The following PLEC variants were observed in gnomAD, a reference collection of about 807,000 sequenced individuals.
The protein encoded by PLEC is plectin, also known as hemidesmosomal protein 1.
Under a neutral mutation model 392.8 loss-of-function variants are expected in PLEC, and 216 were observed. The ratio of observed to expected loss-of-function variants is 0.55; its 90% confidence interval spans 0.49 to 0.62. PLEC has a LOEUF of 0.62. PLEC is among the 20% of genes least tolerant of loss of function. The pLI is 0.00. For synonymous variants in PLEC, 3,621 were observed against 2,980.6 expected (o/e 1.21, Z -7.00); for missense variants, 6,863 against 6,563.4 (o/e 1.05, Z -1.58).
Position 143,928,321 on chromosome 8 carries a change from C to T in PLEC, c.3261-329G>A, listed in dbSNP as rs1021858153. ...TCCTGGTGCCCACAGGGCCTGGAAG[C>T]GTAGTTCTCAGCCCTTGCAGCCCAA... On this transcript the variant is annotated intron_variant, in intron 25 of 31. Coordinates refer to ENST00000345136, the MANE Select transcript of PLEC (RefSeq NM_201384.3). Among the ~76,000 whole-genome samples, 5 of 152,374 alleles carry T rather than the reference C, an allele frequency of 3.3e-5. No homozygotes were observed. The East Asian group carries it at 7.7e-4, about 24-fold the overall frequency.
upstream of PLEC, among the ~76,000 whole-genome samples, chr8:143,951,570 C>T (rs1832149781): frequency 1.3e-5 from 2 of 152,108 alleles, no homozygotes; most frequent in South Asian, 4.1e-4. Context: ...TCTCCAAGCC[C>T]ACAGCCCTCT....
In PLEC at chr8:143,921,201, C is replaced by G. The variant is rs369356119; in HGVS notation, c.8620G>C (p.Asp2874His). Residue 2874 changes from aspartate to histidine, a missense_variant, in exon 32 of 32, where the codon GAC (aspartate) becomes CAC (histidine). Asp to His is a moderately conservative substitution (Grantham distance 81). Transcript: ENST00000345136. ...YLQLLERCVE[D>H]PETGLCLLPL... Reference sequence around the variant, plus strand: ...AGAAGGCACAGGCCCGTCTCGGGGTCCTCCACGCAGCGCTCCAGTAGCTGC... The same window carrying G: ...AGAAGGCACAGGCCCGTCTCGGGGTGCTCCACGCAGCGCTCCAGTAGCTGC... 6.2e-7 allele frequency: 1 copy of G among 1,614,020 alleles called. No individual in the cohort carries two copies. Among genetic ancestry groups the G allele is most frequent in the East Asian group, 2.2e-5 (1 of 44,876 alleles).
Position 143,922,623 on chromosome 8 carries a change from T to G in PLEC, c.7306A>C (p.Ile2436Leu). The change falls in exon 31 of 32, where the codon ATC becomes CTC. Residue 2436 changes from isoleucine (I) to leucine (L), a missense_variant. Ile to Leu is a conservative substitution (Grantham distance 5, BLOSUM62 2). Coordinates refer to ENST00000345136, the MANE Select transcript of PLEC (RefSeq NM_201384.3). ...TCATGGTCACTCTGCTGTCGCTGGA[T>G]CTCCAGTGTCTGCACCAGGGTCACC... ...EKVTLVQTLEIQRQQSDHDAE... is the reference protein window; with the variant it reads ...EKVTLVQTLELQRQQSDHDAE... 2 of 1,613,578 alleles carry G rather than the reference T, an allele frequency of 1.2e-6. No homozygotes were observed. Among genetic ancestry groups the G allele is most frequent in the Non-Finnish European group, 1.7e-6 (2 of 1,179,946 alleles).
upstream of PLEC, chr8:143,944,028 C>G: frequency 7.4e-7 from 1 of 1,347,878 alleles, no homozygotes; most frequent in Non-Finnish European, 1.0e-6. Context: ...GCAGGACCGC[C>G]CCATACGCGG....
rs782127715 is a variant in PLEC, at chr8:143,918,479, G to A, written c.11342C>T (p.Ser3781Leu). 4.4e-6 allele frequency: 7 copies of A among 1,597,032 alleles called. No individual in the cohort carries two copies. Among genetic ancestry groups the A allele is most frequent in the Middle Eastern group, 1.7e-4 (1 of 6,058 alleles). The stretch of plus-strand genomic sequence containing the variant: ...CTCCTTCTTCATGGCCTGGAAGAGC[G>A]AGATGGTCTGCTCGGTGTAGGGGTC... ...YRDPYTEQTI[S>L]LFQAMKKELI... The change falls in exon 32 of 32, where the codon TCG becomes TTG. Residue 3781 changes from serine (S) to leucine (L), a missense_variant. Coordinates refer to ENST00000345136, the MANE Select transcript of PLEC (RefSeq NM_201384.3).
chr8:143,916,875 C>A lies in PLEC; in HGVS notation c.12946G>T (p.Ala4316Ser). The A allele has an allele frequency of 6.2e-7, 1 of 1,612,660 alleles. No homozygotes were observed. Among genetic ancestry groups the A allele is most frequent in the Non-Finnish European group, 8.5e-7 (1 of 1,179,828 alleles). ...GGGTCGATGATGCCCCCGGTGCAGG[C>A]CTGCGCCTCCAGCAGCCGCTGCCCC... is the stretch of plus-strand genomic sequence containing the variant. The part of the protein sequence containing the change: ...ITGQRLLEAQ[A>S]CTGGIIDPST... Residue 4316 changes from alanine to serine, a missense_variant, in exon 32 of 32, where the codon GCC (alanine) becomes TCC (serine). By Grantham distance (99) the Ala-to-Ser change is moderately conservative. Coordinates refer to ENST00000345136, the MANE Select transcript of PLEC (RefSeq NM_201384.3).
In PLEC at chr8:143,929,273, C is replaced by T. The variant is rs782371915; in HGVS notation, c.3090G>A (p.Gln1030=). ...CCTTGCCCAGCCCCTCCACCTCTGCCTGTGCCTTCTGCAAAGACAGGGAGT... is the reference window on the plus strand; with the variant it reads ...CCTTGCCCAGCCCCTCCACCTCTGCTTGTGCCTTCTGCAAAGACAGGGAGT... ...AQRIAEQQKA[Q]AEVEGLGKGV... is the part of the protein sequence containing the mutation. Residue 1030 remains glutamine, a synonymous_variant, in exon 25 of 32, where the codon CAG becomes CAA. Coordinates refer to ENST00000345136, the MANE Select transcript of PLEC (RefSeq NM_201384.3). The T allele has an allele frequency of 5.6e-6, 9 of 1,600,456 alleles. No homozygotes were observed. The highest frequency in any genetic ancestry group is 7.6e-6 in the Non-Finnish European group (9 of 1,179,568).
rs1462928270 is a variant in PLEC at position 143,973,163 on chromosome 8, G to T, written c.70+240C>A. ...GCCCTGAGCGCCCCCACCCGCCCGC[G>T]GCCCACCCCACCCACCCGAGCCGCG... On this transcript the variant is annotated intron_variant, in intron 1 of 31. Coordinates refer to the PLEC transcript ENST00000356346. This position sits in a 1 kb window ranked among gnomAD's most constrained non-coding sequence, Gnocchi z 5.6. Among the ~76,000 whole-genome samples the T allele has an allele frequency of 4.0e-5, 6 of 151,190 alleles. No individual in the cohort carries two copies. Among genetic ancestry groups the T allele is most frequent in the African/African-American group, 1.2e-4 (5 of 41,228 alleles).
At chr8:143,973,672 G>T, upstream of PLEC, 5 of 386,874 alleles carry the variant, frequency 1.3e-5, no homozygotes, top group Non-Finnish European at 1.8e-5. The surrounding 1 kb of genome is among the most constrained non-coding windows in gnomAD (Gnocchi z 5.6). Context: ...GCCCCTCCCG[G>T]CGGGCCGGTT....
Position 143,920,422 on chromosome 8 carries a change from C to T in PLEC, c.9399G>A (p.Leu3133=), listed in dbSNP as rs782704902. The T allele has an allele frequency of 9.4e-6, 15 of 1,595,006 alleles. No homozygotes were observed. The South Asian group carries it at 1.3e-4, about 14-fold the overall frequency. The change falls in exon 32 of 32, where the codon CTG becomes CTA. Residue 3133 remains leucine, a synonymous_variant. Transcript: ENST00000345136. ...CGCCCGTGGACAGCTGGGCGTCCAA[C>T]AGGCGCAGGCCCTGCTCCCGGGGAA... ...GLIPREQGLR[L]LDAQLSTGGI... is the part of the protein sequence containing the mutation.
In PLEC at chr8:143,927,039, G is replaced by A. The variant is rs587780419; in HGVS notation, c.3883C>T (p.Pro1295Ser). Residue 1295 changes from proline to serine, a missense_variant, in exon 29 of 32, where the codon CCG (proline) becomes TCG (serine). Physicochemically the swap from Pro to Ser is moderately conservative, Grantham distance 74. Coordinates refer to ENST00000345136, the MANE Select transcript of PLEC (RefSeq NM_201384.3). ...QLVTYKAQLE[P>S]VASPAKKPKV... is the part of the protein sequence containing the mutation. ...GGCTTCTTGGCCGGGGAGGCCACCG[G>A]CTCAAGCTGCGCCTTGTACGTCACC... 9.9e-6 allele frequency: 16 copies of A among 1,612,216 alleles called. No homozygotes were observed. Among genetic ancestry groups the A allele is most frequent in the Non-Finnish European group, 1.4e-5 (16 of 1,179,992 alleles).
chr8:143,951,215 G>C (rs958750743), upstream of PLEC, among the ~76,000 whole-genome samples: 2 of 152,332 alleles, frequency 1.3e-5, no homozygotes, highest in African/African-American at 4.8e-5. Flanking sequence ...GGGCAGGCAG[G>C]GGGGCTGAGG....
At chr8:143,942,525 G>T (rs566054656), upstream of PLEC, 1 of 1,561,180 alleles carries the variant, frequency 6.4e-7, no homozygotes, top group Non-Finnish European at 8.6e-7. Flanking sequence ...TGCCGGCCAC[G>T]GCCGGAGCCC....
chr8:143,919,768 C>A lies in PLEC; in HGVS notation c.10053G>T (p.Leu3351=). The change falls in exon 32 of 32, where the codon CTG becomes CTT. Residue 3351 remains leucine, a synonymous_variant. Transcript: ENST00000345136. ...LSELGSVRTL[L]QGSGCLAGIY... ...TGCCGGCGAGGCAGCCACTGCCCTG[C>A]AGCAGCGTCCGCACGGAGCCCAGCT... 3 of 1,611,370 alleles carry A rather than the reference C, an allele frequency of 1.9e-6. No individual in the cohort carries two copies. Among genetic ancestry groups the A allele is most frequent in the Non-Finnish European group, 2.5e-6 (3 of 1,178,916 alleles).
At chr8:143,966,700 G>T (rs782788802) in intron 1 of PLEC, among the ~76,000 whole-genome samples, 3 of 151,896 alleles carry the variant, frequency 2.0e-5, no homozygotes, top group Non-Finnish European at 4.4e-5. Context: ...CAGGAAGCTG[G>T]ATTCTGCCAC....
Position 143,925,076 on chromosome 8 carries a change from G to A in PLEC, c.4853C>T (p.Ala1618Val), listed in dbSNP as rs1183457619. Reference protein sequence around the residue: ...EEAERRAQQQAEAERAREEAE... With the variant: ...EEAERRAQQQVEAERAREEAE... ...CTCCTCGCGCGCCCGCTCGGCCTCG[G>A]CCTGCTGCTGTGCCCGCCGCTCAGC... Residue 1618 changes from alanine to valine, a missense_variant, in exon 31 of 32, where the codon GCC becomes GTC. Coordinates refer to ENST00000345136, the MANE Select transcript of PLEC (RefSeq NM_201384.3). 10 of 1,538,730 alleles carry A rather than the reference G, an allele frequency of 6.5e-6. No individual in the cohort carries two copies. In the Admixed American group the frequency reaches 1.4e-4, roughly 21 times the overall value.
In PLEC at chr8:143,933,279, C is replaced by A; in HGVS notation, c.1336G>T (p.Asp446Tyr). The A allele has an allele frequency of 6.2e-7, 1 of 1,613,214 alleles. No homozygotes were observed. Among genetic ancestry groups the A allele is most frequent in the Non-Finnish European group, 8.5e-7 (1 of 1,179,974 alleles). Residue 446 changes from aspartate to tyrosine, a missense_variant, in exon 13 of 32, where the codon GAT (aspartate) becomes TAT (tyrosine). Physicochemically the swap from Asp to Tyr is radical, Grantham distance 160. Transcript: ENST00000345136. ...GEVERDLDKA[D>Y]SMIRLLFNDV... ...TTGAAGAGCAGCCGGATCATGCTAT[C>A]CGCCTTGTCCAAGTCCCGTTCCACC... is the stretch of plus-strand genomic sequence containing the variant.
rs1821548068 is a variant in PLEC, at chr8:143,918,958, G to C, written c.10863C>G (p.Ile3621Met). The change falls in exon 32 of 32, where the codon ATC becomes ATG. Residue 3621 changes from isoleucine to methionine, a missense_variant. Physicochemically the swap from Ile to Met is conservative, Grantham distance 10 (BLOSUM62 1). Transcript: ENST00000345136. Reference protein sequence around the residue: ...GRVTKERMIIIIIEIIEKTEI... With the variant: ...GRVTKERMIIMIIEIIEKTEI... The stretch of plus-strand genomic sequence containing the variant: ...CTGTCTTCTCAATGATCTCGATGAT[G>C]ATGATGATCATGCGTTCCTTGGTCA... The C allele has an allele frequency of 1.2e-6, 2 of 1,610,704 alleles. No individual in the cohort carries two copies.
rs1554723813 is a variant in PLEC, at chr8:143,936,938, A to G, written c.435+41T>C. 3 of 1,472,718 alleles carry G rather than the reference A, an allele frequency of 2.0e-6. No individual in the cohort carries two copies. In the Admixed American group the frequency reaches 5.0e-5, roughly 25 times the overall value. 91.2% of individuals were successfully genotyped at this position (1,472,718 alleles called of 1,614,324 possible). On this transcript the variant is annotated intron_variant, in intron 5 of 31. Transcript: ENST00000345136. ...CCAAGGAGCCCAGGCTACCCTGGAA[A>G]CTCCTGCAGGGGGTGGGGGTCCTGG...
Sources: allele counts gnomAD v4.1 joint callset (sites outside exome capture counted in the v4.1 genomes callset), GRCh38; gene constraint gnomAD v4.1.1; non-coding constraint Gnocchi (gnomAD v3.1); transcripts MANE v1.5; gene names NCBI Gene and HGNC (gene_info 2026-07-23, HGNC 2026-07-21).